Variants in RPS6KA2 observed in about 807,000 individuals in gnomAD.
The protein encoded by RPS6KA2 is ribosomal protein S6 kinase alpha-2.
In RPS6KA2, 42 loss-of-function variants were observed where a neutral mutation model predicts 91.8. That is an observed-to-expected ratio of 0.46 (90% CI 0.36 to 0.59). The LOEUF is 0.59. RPS6KA2 is among the 20% of genes least tolerant of loss of function. RPS6KA2 has a pLI of 0.00. For synonymous variants in RPS6KA2, 414 were observed against 393.6 expected, an observed-to-expected ratio of 1.05 and a Z score of -0.61; for missense variants, 798 against 978.5, an observed-to-expected ratio of 0.82 and a Z score of 2.46.
chr6:166,586,125 T>C, intron 1 of RPS6KA2: 1 of 1,464,530 alleles, frequency 6.8e-7, no homozygotes, highest in South Asian at 1.2e-5. Context: ...TTTCTATCAG[T>C]AGTAACCGTA....
intron 2 of RPS6KA2, among the ~76,000 whole-genome samples, chr6:166,689,586 T>G (rs1378402140): frequency 6.6e-6 from 1 of 152,212 alleles, no homozygotes; most frequent in Non-Finnish European, 1.5e-5. Context: ...TGTTGGGCTC[T>G]GCTGGCCCTG....
At chr6:166,619,747 C>G (rs1012241430) in intron 1 of RPS6KA2, among the ~76,000 whole-genome samples, 1 of 152,206 alleles carries the variant, frequency 6.6e-6, no homozygotes, top group African/African-American at 2.4e-5. Flanking sequence ...GGTTTTTCAC[C>G]CTCAGAAAGA....
intron 2 of RPS6KA2, among the ~76,000 whole-genome samples, chr6:166,673,424 A>T (rs1229160132): frequency 6.6e-6 from 1 of 152,194 alleles, no homozygotes; most frequent in African/African-American, 2.4e-5. Flanking sequence ...CAGTCAGTCA[A>T]CAAGGACCCT....
chr6:166,607,683 G>A (rs1333040751), intron 1 of RPS6KA2, among the ~76,000 whole-genome samples: 1 of 152,208 alleles, frequency 6.6e-6, no homozygotes, highest in Non-Finnish European at 1.5e-5. Context: ...GGTAACAGTT[G>A]CACAACCTTG....
chr6:166,414,461 G>A (rs1284154052), intron 19 of RPS6KA2, among the ~76,000 whole-genome samples: 1 of 152,208 alleles, frequency 6.6e-6, no homozygotes, highest in African/African-American at 2.4e-5. Context: ...AGTCGTAGCA[G>A]TAAAAACCTC....
At chr6:166,691,162 T>C (rs1307106116) in intron 2 of RPS6KA2, among the ~76,000 whole-genome samples, 2 of 152,152 alleles carry the variant, frequency 1.3e-5, no homozygotes, top group Non-Finnish European at 2.9e-5. Context: ...TATACCTGAC[T>C]CTGCCATCTG....
At chr6:166,538,092 C>T (rs1475454277) in intron 2 of RPS6KA2, among the ~76,000 whole-genome samples, 2 of 152,164 alleles carry the variant, frequency 1.3e-5, no homozygotes, top group African/African-American at 4.8e-5. Context: ...TAGGCACCTG[C>T]TGGGTGGGAT....
intron 2 of RPS6KA2, among the ~76,000 whole-genome samples, chr6:166,709,429 G>T (rs1789783747): frequency 6.6e-6 from 1 of 152,144 alleles, no homozygotes; most frequent in Non-Finnish European, 1.5e-5. Flanking sequence ...GGTGCTGGAG[G>T]CTAGCCTGTG....
At chr6:166,467,131 C>T (rs1270957459) in intron 11 of RPS6KA2, among the ~76,000 whole-genome samples, 1 of 152,086 alleles carries the variant, frequency 6.6e-6, no homozygotes, top group Admixed American at 6.5e-5. Flanking sequence ...CACTCCCTCA[C>T]TCATTAACTC....
intron 14 of RPS6KA2, among the ~76,000 whole-genome samples, chr6:166,443,574 C>T (rs151232229): frequency 8.3e-4 from 127 of 152,330 alleles, no homozygotes; most frequent in Middle Eastern, 3.4e-3. Flanking sequence ...CCTTCCAACA[C>T]CTGAGCTTAC....
chr6:166,559,306 T>G (rs545543029), intron 1 of RPS6KA2, among the ~76,000 whole-genome samples: 1 of 152,194 alleles, frequency 6.6e-6, no homozygotes, highest in Admixed American at 6.5e-5. Flanking sequence ...TGCACAGGGA[T>G]AGAGGCATGT....
chr6:166,430,729 A>G, intron 15 of RPS6KA2, 118 bp from the exon 16 acceptor site: 2 of 1,016,020 alleles, frequency 2.0e-6, no homozygotes, highest in African/African-American at 1.6e-5. Flanking sequence ...ACAGGGTCCT[A>G]TGGGAGTGCA....
intron 6 of RPS6KA2, among the ~76,000 whole-genome samples, chr6:166,501,169 C>T (rs1313789816): frequency 3.3e-5 from 5 of 152,194 alleles, no homozygotes; most frequent in African/African-American, 7.2e-5. Context: ...GATGTGTGTT[C>T]GTGCAGCTGG....
chr6:166,455,742 G>A (rs1293928926), intron 12 of RPS6KA2, among the ~76,000 whole-genome samples: 2 of 152,210 alleles, frequency 1.3e-5, no homozygotes, highest in African/African-American at 4.8e-5. Context: ...TGCTACACCC[G>A]GTTTGCTCTC....
rs903202004 is a variant in RPS6KA2 at position 166,494,204 on chromosome 6, C to T, written c.748-3463G>A. 2.0e-5 allele frequency among the ~76,000 whole-genome samples: 3 copies of T among 152,112 alleles called. No homozygotes were observed. Among genetic ancestry groups the T allele is most frequent in the African/African-American group, 7.2e-5 (3 of 41,392 alleles). ...CTCGGAGAGCTGTGTTGATCCATGC[C>T]CATGTGTGGAGGTCCCTGTGTGCAC... On this transcript the variant is annotated intron_variant, in intron 8 of 20. Coordinates refer to ENST00000265678, the MANE Select transcript of RPS6KA2 (RefSeq NM_021135.6). This position sits in a 1 kb window ranked among gnomAD's most constrained non-coding sequence, Gnocchi z 5.1.
intron 11 of RPS6KA2, among the ~76,000 whole-genome samples, chr6:166,467,356 C>T (rs1446984181): frequency 2.6e-5 from 4 of 152,250 alleles, no homozygotes; most frequent in Non-Finnish European, 5.9e-5. Flanking sequence ...TTGCAGCTTA[C>T]ATTCTAGTGG....
At position 166,554,065 on chromosome 6, in the gene RPS6KA2, GTCTA is replaced by G. The variant is rs1784103453; in HGVS notation, c.100-15285_100-15282del. ...TGCACCAAACCCTGTGTGTGTATCT[GTCTA>G]TCTGTCTGTCCAGGCAAGAACATTT... is the stretch of plus-strand genomic sequence containing the variant. On this transcript the variant is annotated intron_variant, in intron 1 of 20. Transcript: ENST00000265678. The surrounding 1 kb of genome is among the most constrained non-coding windows in gnomAD (Gnocchi z 4.3). 6.6e-6 allele frequency among the ~76,000 whole-genome samples: 1 copy of G among 152,166 alleles called. No homozygotes were observed. Among genetic ancestry groups the G allele is most frequent in the African/African-American group, 2.4e-5 (1 of 41,432 alleles).
At chr6:166,456,669 A>G (rs938947445) in intron 12 of RPS6KA2, among the ~76,000 whole-genome samples, 8 of 152,242 alleles carry the variant, frequency 5.3e-5, no homozygotes, top group Admixed American at 5.2e-4. Context: ...CCATTGCTTC[A>G]GAGTCACATT....
At chr6:166,701,736 AATTAAATGTG>A in intron 2 of RPS6KA2, 1 of 1,292,088 alleles carries the variant, frequency 7.7e-7, no homozygotes, top group Non-Finnish European at 1.1e-6. Flanking sequence ...TTAATCCAGG[AATTAAATGTG>A]CTTGAAATCA....
Sources: allele counts gnomAD v4.1 joint callset (sites outside exome capture counted in the v4.1 genomes callset), GRCh38; gene constraint gnomAD v4.1.1; non-coding constraint Gnocchi (gnomAD v3.1); transcripts MANE v1.5; gene names NCBI Gene and HGNC (gene_info 2026-07-23, HGNC 2026-07-21).